ANKLE2: variants seen among roughly 807,000 people sequenced by gnomAD.
ANKLE2 encodes the protein ankyrin repeat and LEM domain-containing protein 2.
In ANKLE2, 55 loss-of-function variants were observed where a neutral mutation model predicts 84.2. That is an observed-to-expected ratio of 0.65 (90% CI 0.53 to 0.82). The LOEUF is 0.82. ANKLE2 is among the 40% of genes least tolerant of loss of function. ANKLE2 has a pLI of 0.00. For missense variants in ANKLE2, 1,238 were observed against 1,201.9 expected, an observed-to-expected ratio of 1.03 and a Z score of -0.44; for synonymous variants, 551 against 486.1, an observed-to-expected ratio of 1.13 and a Z score of -1.76.
At chr12:132,734,806 T>A (rs1351657617) in intron 9 of ANKLE2, 1 of 509,846 alleles carries the variant, frequency 2.0e-6, no homozygotes, top group African/African-American at 2.0e-5. Flanking sequence ...GTGAACCGGC[T>A]GCAGGCAGGA....
At chr12:132,750,429 G>C (rs1028387747) in intron 3 of ANKLE2, among the ~76,000 whole-genome samples, 1 of 152,034 alleles carries the variant, frequency 6.6e-6, no homozygotes, top group Non-Finnish European at 1.5e-5. Flanking sequence ...CACGGGGACA[G>C]ATGGAAGCGG....
At chr12:132,728,931 G>A (rs1026119519) in intron 11 of ANKLE2, among the ~76,000 whole-genome samples, 16 of 152,102 alleles carry the variant, frequency 1.1e-4, no homozygotes, top group African/African-American at 3.4e-4. Context: ...CCACTGGCAG[G>A]CACATCCCTA....
chr12:132,750,591 G>T (rs1356422672), intron 3 of ANKLE2, 52 bp downstream of exon 3: 1 of 1,593,280 alleles, frequency 6.3e-7, no homozygotes, highest in South Asian at 1.1e-5. Context: ...CACAAAACAG[G>T]GTGGGATCAA....
intron 1 of ANKLE2, chr12:132,761,047 T>C (rs2136195595): frequency 6.6e-6 from 1 of 152,358 alleles, no homozygotes; most frequent in African/African-American, 2.4e-5. Context: ...CTGTATCAGT[T>C]ACCTCAAACT....
In ANKLE2 at chr12:132,735,484, G is replaced by A; in HGVS notation, c.1622C>T (p.Thr541Ile). ...KAEDFRKLWK[T>I]PPREKAGFLH... ...GAAGCCTGCTTTCTCTCGAGGTGGA[G>A]TTTTCCAGAGCTTGCGAAAATCTTC... Residue 541 changes from threonine to isoleucine, a missense_variant, in exon 9 of 13, where the codon ACT becomes ATT. This residue lies in a region of ANKLE2 where 802 missense variants were observed against 774.5 expected (regional missense o/e 1.04). Transcript: ENST00000357997. The A allele has an allele frequency of 6.2e-7, 1 of 1,613,548 alleles. No individual in the cohort carries two copies. Among genetic ancestry groups the A allele is most frequent in the East Asian group, 2.2e-5 (1 of 44,874 alleles).
intron 1 of ANKLE2, chr12:132,757,296 G>A (rs2044507569): frequency 6.6e-6 from 1 of 152,302 alleles, no homozygotes; most frequent in Non-Finnish European, 1.5e-5. Context: ...AAAGGAAAGT[G>A]GGAGTGAGAA....
chr12:132,742,184 T>TACAC (rs71856305), intron 6 of ANKLE2: 2,426 of 192,634 alleles, frequency 0.013, 29 homozygotes, highest in African/African-American at 0.026. Flanking sequence ...GAAGTACAGA[T>TACAC]ACACACACAC....
At position 132,728,052 on chromosome 12, in the gene ANKLE2, G is replaced by A; in HGVS notation, c.2595C>T (p.Tyr865=). 1 of 1,609,426 alleles carries A rather than the reference G, an allele frequency of 6.2e-7. No homozygotes were observed. Among genetic ancestry groups the A allele is most frequent in the Non-Finnish European group, 8.5e-7 (1 of 1,179,052 alleles). Reference sequence around the variant, plus strand: ...CATACCTCTGTCTGTCCGAGGGTGAGTAGCACAGGACAGCACTCTTCCATC... The same window carrying A: ...CATACCTCTGTCTGTCCGAGGGTGAATAGCACAGGACAGCACTCTTCCATC... ...VHRWKSAVLC[Y]SPSDRQSWPS... Residue 865 remains tyrosine, a synonymous_variant, in exon 12 of 13, where the codon TAC becomes TAT. Transcript: ENST00000357997.
intron 10 of ANKLE2, chr12:132,731,561 C>T (rs2043847162): frequency 6.6e-6 from 1 of 152,078 alleles, no homozygotes; most frequent in African/African-American, 2.4e-5. Flanking sequence ...TGTATATCTG[C>T]TTTAATTTGT....
Position 132,728,045 on chromosome 12 carries a change from AG to A in ANKLE2, c.2601del (p.Ser868ArgfsTer11), listed in dbSNP as rs781476684. 1 of 1,607,484 alleles carries A rather than the reference AG, an allele frequency of 6.2e-7. No homozygotes were observed. Among genetic ancestry groups the A allele is most frequent in the Non-Finnish European group, 8.5e-7 (1 of 1,178,468 alleles). On this transcript the variant is annotated frameshift_variant, in exon 12 of 13. Coordinates refer to ENST00000357997, the MANE Select transcript of ANKLE2 (RefSeq NM_015114.3). LOFTEE classifies it low-confidence loss of function (END_TRUNC). ...GGCCCCACATACCTCTGTCTGTCCG[AG>A]GGTGAGTAGCACAGGACAGCACTCT... ...RWKSAVLCYS[P>X]SDRQSWPSPA...
rs1015658180 is a variant in ANKLE2, at chr12:132,761,632, G to A, written c.167C>T (p.Ala56Val). The change falls in exon 1 of 13, where the codon GCC (alanine) becomes GTC (valine). Residue 56 changes from alanine to valine, a missense_variant. Around this residue, in one of 3 missense-constraint regions of ANKLE2, gnomAD observed 422 missense variants for 394.5 expected, o/e 1.07. Transcript: ENST00000357997. ...GTPVPPPSAAAAPASGEMTMD... is the reference protein window; with the variant it reads ...GTPVPPPSAAVAPASGEMTMD... ...CTGGGCCTTACCTGAGGCGGGGGCG[G>A]CGGCCGCGCTTGGCGGAGGAACTGG... is the stretch of plus-strand genomic sequence containing the variant. The A allele has an allele frequency of 4.0e-6, 5 of 1,261,008 alleles. No homozygotes were observed. The African/African-American group carries it at 7.8e-5, about 20-fold the overall frequency. The allele number at this position is 1,261,008 out of a possible 1,614,324, so 78.1% of individuals were successfully genotyped here. A position where few individuals can be genotyped will look rare whatever the true frequency, so the allele number is the denominator to read the frequency against.
intron 8 of ANKLE2, 64 bp from the exon 9 acceptor site, chr12:132,735,576 G>A (rs1265716435): frequency 2.2e-6 from 3 of 1,359,632 alleles, no homozygotes; most frequent in Admixed American, 1.9e-5. Flanking sequence ...GCGGAAACCT[G>A]AAGAGCCGTC....
At chr12:132,760,153 A>AG (rs34983836) in intron 1 of ANKLE2, 61 of 144,752 alleles carry the variant, frequency 4.2e-4, no homozygotes, top group African/African-American at 1.5e-3. Flanking sequence ...AAAAAAAAAA[A>AG]GTGGTAGGGC....
At chr12:132,752,309 C>A (rs1027848313) in intron 2 of ANKLE2, among the ~76,000 whole-genome samples, 1 of 152,110 alleles carries the variant, frequency 6.6e-6, no homozygotes, top group Non-Finnish European at 1.5e-5. Context: ...CACTGCACTC[C>A]GGCCTGGCGA....
rs376978910 is a variant in ANKLE2, at chr12:132,728,084, C to T, written c.2563G>A (p.Val855Met). ...AGGACAGCACTCTTCCATCTGTGCA[C>T]GGCCGGGAACTGATGGGGGTCGACG... The part of the protein sequence containing the change: ...ADVDPHQFPA[V>M]HRWKSAVLCY... Residue 855 changes from valine to methionine, a missense_variant, in exon 12 of 13, where the codon GTG becomes ATG. Physicochemically the swap from Val to Met is conservative, Grantham distance 21 (BLOSUM62 1). Around this residue, in one of 3 missense-constraint regions of ANKLE2, gnomAD observed 802 missense variants for 774.5 expected, o/e 1.04. Coordinates refer to ENST00000357997, the MANE Select transcript of ANKLE2 (RefSeq NM_015114.3). 8.1e-6 allele frequency: 13 copies of T among 1,612,768 alleles called. No homozygotes were observed. The highest frequency in any genetic ancestry group is 4.4e-5 in the South Asian group (4 of 91,086).
intron 5 of ANKLE2, chr12:132,745,050 G>A (rs1398206499): frequency 6.6e-6 from 1 of 152,364 alleles, no homozygotes; most frequent in African/African-American, 2.4e-5. Context: ...GCAGCTCCCG[G>A]GCAGCGTGCG....
Position 132,727,298 on chromosome 12 carries a change from C to T in ANKLE2, c.2761G>A (p.Val921Met), listed in dbSNP as rs200398705. ...GLGSPGRYSP[V>M]HGSQLRRMAR... is the part of the protein sequence containing the mutation. Reference sequence around the variant, plus strand: ...ATCCTGCGGAGCTGGCTCCCGTGCACGGGGCTGTAGCGCCCAGGACTGCCC... The same window carrying T: ...ATCCTGCGGAGCTGGCTCCCGTGCATGGGGCTGTAGCGCCCAGGACTGCCC... Residue 921 changes from valine to methionine, a missense_variant, in exon 13 of 13, where the codon GTG becomes ATG. Physicochemically the swap from Val to Met is conservative, Grantham distance 21. Around this residue, in one of 3 missense-constraint regions of ANKLE2, gnomAD observed 802 missense variants for 774.5 expected, o/e 1.04. Transcript: ENST00000357997. 107 of 1,566,202 alleles carry T rather than the reference C, an allele frequency of 6.8e-5. No individual in the cohort carries two copies. The African/African-American group carries it at 1.2e-3, about 17-fold the overall frequency.
rs759414994 is a variant in ANKLE2 at position 132,729,943 on chromosome 12, T to C, written c.2219A>G (p.Asn740Ser). 3 of 1,613,400 alleles carry C rather than the reference T, an allele frequency of 1.9e-6. No homozygotes were observed. The change falls in exon 11 of 13, where the codon AAT (asparagine) becomes AGT (serine). Residue 740 changes from asparagine (N) to serine (S), a missense_variant. By Grantham distance (46) the Asn-to-Ser change is conservative (BLOSUM62 1). Around this residue, in one of 3 missense-constraint regions of ANKLE2, gnomAD observed 802 missense variants for 774.5 expected, o/e 1.04. Coordinates refer to ENST00000357997, the MANE Select transcript of ANKLE2 (RefSeq NM_015114.3). ...SDLTVEFDKL[N>S]LQNIGRSVSK... ...AACGCTACGTCCTATATTTTGCAAA[T>C]TCAGTTTATCAAACTCAACAGTCAA...
chr12:132,746,364 AAAAG>A (rs1174021470), intron 5 of ANKLE2, among the ~76,000 whole-genome samples: 74 of 151,740 alleles, frequency 4.9e-4, no homozygotes, highest in Admixed American at 8.5e-4. Context: ...AAAAAAAAAA[AAAAG>A]AATCAGGTTA....
Sources: allele counts gnomAD v4.1 joint callset (sites outside exome capture counted in the v4.1 genomes callset), GRCh38; gene constraint gnomAD v4.1.1; regional missense constraint gnomAD v4.1.1; transcripts MANE v1.5; gene names NCBI Gene and HGNC (gene_info 2026-07-23, HGNC 2026-07-21).